COL4A4: variants seen among roughly 807,000 people sequenced by gnomAD.
COL4A4 encodes collagen type IV alpha 4 chain.
In COL4A4, 105 loss-of-function variants were observed where a neutral mutation model predicts 192.9. The ratio of observed to expected loss-of-function variants is 0.54; its 90% CI spans 0.46 to 0.64. COL4A4 has a LOEUF of 0.64. COL4A4 is among the 30% of genes least tolerant of loss of function. The pLI is 0.00. For missense variants in COL4A4, 1,967 were observed against 2,169.3 expected (o/e 0.91, Z 1.85); for synonymous variants, 762 against 769.9 (o/e 0.99, Z 0.17).
intron 46 of COL4A4, among the ~76,000 whole-genome samples, chr2:227,009,857 A>T (rs951487001): frequency 6.6e-6 from 1 of 152,200 alleles, no homozygotes; most frequent in Non-Finnish European, 1.5e-5. Flanking sequence ...TCTGTAATTT[A>T]AATTGGAGTA....
chr2:227,117,576 T>C (rs1349922858), intron 7 of COL4A4, among the ~76,000 whole-genome samples: 3 of 151,822 alleles, frequency 2.0e-5, no homozygotes, highest in African/African-American at 7.3e-5. Flanking sequence ...ATGATTATGG[T>C]GGTCATGCTA....
the COL4A4 span, among the ~76,000 whole-genome samples, chr2:226,995,262 G>A: frequency 2.6e-5 from 4 of 152,154 alleles, no homozygotes; most frequent in African/African-American, 9.7e-5. Flanking sequence ...TTTACTTGAC[G>A]TTGAAATTTA....
At chr2:227,154,011 T>TTCC (rs1007759141) in intron 1 of COL4A4, among the ~76,000 whole-genome samples, 1 of 152,050 alleles carries the variant, frequency 6.6e-6, no homozygotes, top group African/African-American at 2.4e-5. Flanking sequence ...AGCAGCTCAC[T>TTCC]TCCTCCTCCT....
chr2:227,059,478 C>T lies in COL4A4; in HGVS notation c.2310G>A (p.Pro770=), dbSNP rs750759538. ...GDPAFGHLGP[P]GKRGLSGVPG... ...GCACTCCTGAAAGACCCCTCTTTCCCGGGGGTCCCAGGTGACCAAATGCAG... is the reference window on the plus strand; with the variant it reads ...GCACTCCTGAAAGACCCCTCTTTCCTGGGGGTCCCAGGTGACCAAATGCAG... Residue 770 remains proline, a synonymous_variant, in exon 28 of 48, where the codon CCG becomes CCA. Transcript: ENST00000396625. 12 of 1,614,078 alleles carry T rather than the reference C, an allele frequency of 7.4e-6. No homozygotes were observed. The highest frequency in any genetic ancestry group is 1.6e-4 in the Middle Eastern group (1 of 6,062).
chr2:227,041,922 GAAAAT>G (rs1388484189), intron 37 of COL4A4, among the ~76,000 whole-genome samples: 1 of 149,778 alleles, frequency 6.7e-6, no homozygotes. Context: ...AAGAAAGAAA[GAAAAT>G]GGTAGCACTA....
At chr2:227,104,084 C>T in intron 12 of COL4A4, 32 bp from the exon 13 acceptor site, 1 of 1,577,784 alleles carries the variant, frequency 6.3e-7, no homozygotes, top group Non-Finnish European at 8.7e-7. Flanking sequence ...ATGAAAATTT[C>T]ATATTAATTT....
chr2:227,052,280 T>C (rs1314377764), intron 32 of COL4A4, 25 bp downstream of exon 32: 7 of 1,308,422 alleles, frequency 5.3e-6, no homozygotes, highest in Admixed American at 5.0e-5. Flanking sequence ...TTATTTGATA[T>C]GGTTAAAAAC....
At chr2:226,983,866 G>T in the COL4A4 span, among the ~76,000 whole-genome samples, 4 of 152,160 alleles carry the variant, frequency 2.6e-5, no homozygotes, top group Non-Finnish European at 4.4e-5. Context: ...AATAAAACAG[G>T]TCTAAATATT....
chr2:227,131,339 T>C (rs2062452496), intron 4 of COL4A4, among the ~76,000 whole-genome samples: 1 of 152,074 alleles, frequency 6.6e-6, no homozygotes, highest in Non-Finnish European at 1.5e-5. Flanking sequence ...ATTTTTTTAG[T>C]AGAGACAGGT....
intron 44 of COL4A4, among the ~76,000 whole-genome samples, chr2:227,019,967 T>C (rs535930600): frequency 6.6e-6 from 1 of 152,290 alleles, no homozygotes; most frequent in African/African-American, 2.4e-5. Flanking sequence ...ACACCCAACT[T>C]GCAACTCCTT....
rs1004338195 is a variant in COL4A4, at chr2:227,164,203, A to T, written c.-298T>A. ...CGCGGGGAACAAGCGGGGCCTCCCG[A>T]GTGCAGACGCCCGGCGCGCCTCCCG... On this transcript the variant is annotated 5_prime_UTR_variant, in exon 1 of 48. Transcript: ENST00000396625. This position sits in a 1 kb window ranked among gnomAD's most constrained non-coding sequence, Gnocchi z 4.8. The T allele has an allele frequency of 1.3e-5, 2 of 154,208 alleles. No individual in the cohort carries two copies. The highest frequency in any genetic ancestry group is 2.9e-5 in the Non-Finnish European group (2 of 69,512). 9.6% of individuals were successfully genotyped at this position (154,208 alleles called of 1,614,324 possible).
chr2:226,970,127 A>G, the COL4A4 span, among the ~76,000 whole-genome samples: 1 of 152,078 alleles, frequency 6.6e-6, no homozygotes, highest in South Asian at 2.1e-4. Context: ...ATGACAAAGA[A>G]TAAAATCACA....
At chr2:227,023,798 G>T (rs1055435607) in intron 43 of COL4A4, among the ~76,000 whole-genome samples, 1 of 152,142 alleles carries the variant, frequency 6.6e-6, no homozygotes, top group African/African-American at 2.4e-5. Context: ...CAGATCACGA[G>T]GTCAAGAGAT....
chr2:227,107,103 A>G (rs944282700), intron 12 of COL4A4, among the ~76,000 whole-genome samples: 2 of 152,222 alleles, frequency 1.3e-5, no homozygotes, highest in African/African-American at 4.8e-5. Context: ...CCAGAGCTCC[A>G]TGGCTTCCCA....
chr2:227,075,704 T>C (rs574564764), intron 25 of COL4A4, among the ~76,000 whole-genome samples: 2 of 152,312 alleles, frequency 1.3e-5, no homozygotes, highest in African/African-American at 4.8e-5. Context: ...AAATTGTCTC[T>C]GTTTGCAGAT....
intron 1 of COL4A4, among the ~76,000 whole-genome samples, chr2:227,152,807 A>G (rs1449226643): frequency 6.6e-6 from 1 of 152,240 alleles, no homozygotes; most frequent in Non-Finnish European, 1.5e-5. Flanking sequence ...CCACTCATCT[A>G]CCTTCCCACG....
chr2:227,088,571 G>C (rs768418695), intron 22 of COL4A4, 82 bp downstream of exon 22: 16 of 1,526,488 alleles, frequency 1.0e-5, no homozygotes, highest in Non-Finnish European at 1.4e-5. Flanking sequence ...CCTAGTCTTG[G>C]GTAGTATCTT....
At chr2:227,025,452 G>T (rs1449569217) in intron 43 of COL4A4, among the ~76,000 whole-genome samples, 1 of 152,170 alleles carries the variant, frequency 6.6e-6, no homozygotes, top group Non-Finnish European at 1.5e-5. Flanking sequence ...TTTTAGGGAT[G>T]CTCTAGGTAT....
In COL4A4 at chr2:227,082,202, A is replaced by C; in HGVS notation, c.1624-15T>G. The C allele has an allele frequency of 6.2e-7, 1 of 1,609,884 alleles. No homozygotes were observed. Among genetic ancestry groups the C allele is most frequent in the Non-Finnish European group, 8.5e-7 (1 of 1,176,130 alleles). On this transcript the variant is annotated splice_polypyrimidine_tract_variant and intron_variant, in intron 22 of 47. Coordinates refer to ENST00000396625, the MANE Select transcript of COL4A4 (RefSeq NM_000092.5). ...CCATGCTTTCCCTTGGTGAAAAATA[A>C]GAGAAACAAATTAGGTTAATTGTGA...
Sources: allele counts gnomAD v4.1 joint callset (sites outside exome capture counted in the v4.1 genomes callset), GRCh38; gene constraint gnomAD v4.1.1; non-coding constraint Gnocchi (gnomAD v3.1); transcripts MANE v1.5; gene names NCBI Gene and HGNC (gene_info 2026-07-23, HGNC 2026-07-21).